The following POLR3B variants were observed in gnomAD, a reference collection of about 807,000 sequenced individuals.
POLR3B encodes the protein RNA polymerase III subunit B.
Under a neutral mutation model 147.4 loss-of-function variants are expected in POLR3B, and 96 were observed. The observed-to-expected ratio is 0.65, with a 90% CI of 0.55 to 0.77. The LOEUF (loss-of-function observed/expected upper bound fraction) is 0.77. Ranked by LOEUF, POLR3B falls within the 30% of genes least tolerant of loss-of-function variation. POLR3B has a pLI of 0.00. For synonymous variants in POLR3B, 461 were observed against 485.9 expected, an observed-to-expected ratio of 0.95 and a Z score of 0.67; for missense variants, 1,036 against 1,413.5, an observed-to-expected ratio of 0.73 and a Z score of 4.28.
At chr12:106,388,520 G>C (rs939240001) in intron 9 of POLR3B, among the ~76,000 whole-genome samples, 2 of 152,100 alleles carry the variant, frequency 1.3e-5, no homozygotes, top group African/African-American at 4.8e-5. Context: ...GTTTCTCCAT[G>C]TTGGCCAGGA....
chr12:106,467,726 AT>A (rs1368481123), intron 23 of POLR3B, among the ~76,000 whole-genome samples: 2 of 152,038 alleles, frequency 1.3e-5, no homozygotes, highest in African/African-American at 4.8e-5. Flanking sequence ...GGTTTTTGTC[AT>A]TGGATCTGTT....
intron 23 of POLR3B, among the ~76,000 whole-genome samples, chr12:106,479,556 AT>A (rs923544501): frequency 2.0e-5 from 3 of 149,272 alleles, no homozygotes; most frequent in Admixed American, 6.7e-5. Flanking sequence ...AATTTTTTGT[AT>A]TTTTTTTAGT....
chr12:106,419,361 A>G (rs1212191456), intron 12 of POLR3B, among the ~76,000 whole-genome samples: 1 of 152,216 alleles, frequency 6.6e-6, no homozygotes, highest in Non-Finnish European at 1.5e-5. Flanking sequence ...CTTAACTTTA[A>G]AGAAGGAAAA....
At position 106,504,137 on chromosome 12, in the gene POLR3B, G is replaced by A. The variant is rs2137088945; in HGVS notation, c.3155G>A (p.Arg1052His). 6.2e-7 allele frequency: 1 copy of A among 1,614,166 alleles called. No individual in the cohort carries two copies. The highest frequency in any genetic ancestry group is 8.5e-7 in the Non-Finnish European group (1 of 1,179,990). Residue 1052 changes from arginine to histidine, a missense_variant, in exon 27 of 28, where the codon CGT (arginine) becomes CAT (histidine). By Grantham distance (29) the Arg-to-His change is conservative. Transcript: ENST00000228347. This position sits in a 1 kb window ranked among gnomAD's most constrained non-coding sequence, Gnocchi z 4.6. The part of the protein sequence containing the change: ...DGGLRLGEME[R>H]DCLIGYGASM... Reference sequence around the variant, plus strand: ...GGCTTGCGTCTCGGGGAAATGGAACGTGACTGTTTAATCGGTTATGGAGCC... The same window carrying A: ...GGCTTGCGTCTCGGGGAAATGGAACATGACTGTTTAATCGGTTATGGAGCC...
At chr12:106,501,585 G>A in intron 26 of POLR3B, 149 bp downstream of exon 26, 1 of 605,262 alleles carries the variant, frequency 1.7e-6, no homozygotes, top group South Asian at 2.0e-5. Context: ...AATCATATAT[G>A]TATGATTAAA....
chr12:106,397,508 G>T (rs1338114347), intron 10 of POLR3B, among the ~76,000 whole-genome samples: 1 of 152,042 alleles, frequency 6.6e-6, no homozygotes, highest in Non-Finnish European at 1.5e-5. Context: ...ATGGAATTAG[G>T]CATCATAGTT....
At chr12:106,390,017 G>T (rs1387360216) in intron 9 of POLR3B, among the ~76,000 whole-genome samples, 2 of 152,130 alleles carry the variant, frequency 1.3e-5, no homozygotes, top group Non-Finnish European at 2.9e-5. Context: ...CCAGGAATTT[G>T]AGACCAGCCT....
chr12:106,463,868 TATAGATAC>T (rs1048874286), intron 23 of POLR3B, among the ~76,000 whole-genome samples: 12 of 152,222 alleles, frequency 7.9e-5, no homozygotes, highest in African/African-American at 2.9e-4. Flanking sequence ...GAATTATAAT[TATAGATAC>T]AGTCTAGGTG....
intron 12 of POLR3B, among the ~76,000 whole-genome samples, chr12:106,423,137 C>G (rs2037393360): frequency 6.6e-6 from 1 of 152,170 alleles, no homozygotes; most frequent in Non-Finnish European, 1.5e-5. Flanking sequence ...ATATATCCAT[C>G]ACAGACCTTC....
chr12:106,458,414 G>A (rs2037892473), intron 21 of POLR3B, among the ~76,000 whole-genome samples: 1 of 152,096 alleles, frequency 6.6e-6, no homozygotes, highest in African/African-American at 2.4e-5. Flanking sequence ...CCGAGCCCAT[G>A]ATACTATTTT....
chr12:106,411,704 G>A (rs2037230213), intron 12 of POLR3B, among the ~76,000 whole-genome samples: 1 of 152,156 alleles, frequency 6.6e-6, no homozygotes, highest in Admixed American at 6.5e-5. Flanking sequence ...ACAATCCGCT[G>A]ATTGTTTTGG....
chr12:106,458,615 G>A (rs1858380087), intron 21 of POLR3B, among the ~76,000 whole-genome samples: 2 of 152,146 alleles, frequency 1.3e-5, no homozygotes, highest in Admixed American at 6.6e-5. Context: ...GTTGGCCTGT[G>A]GGCGGTGAAT....
At chr12:106,509,325 A>G in intron 27 of POLR3B, 95 bp from the exon 28 acceptor site, 1 of 1,238,314 alleles carries the variant, frequency 8.1e-7, no homozygotes, top group Non-Finnish European at 1.2e-6. Context: ...TGATAGAATG[A>G]TAATAGAACT....
At chr12:106,430,850 G>A (rs2037501090) in intron 14 of POLR3B, among the ~76,000 whole-genome samples, 1 of 152,110 alleles carries the variant, frequency 6.6e-6, no homozygotes, top group Non-Finnish European at 1.5e-5. Context: ...TCCTTAGGTA[G>A]GCTCAGTCAC....
chr12:106,362,376 C>G (rs1230197781), intron 1 of POLR3B, among the ~76,000 whole-genome samples: 3 of 152,120 alleles, frequency 2.0e-5, no homozygotes, highest in East Asian at 1.9e-4. Context: ...AAAGTAACCA[C>G]AAACTAGGTG....
At chr12:106,386,342 CAAA>C (rs61272699) in intron 9 of POLR3B, among the ~76,000 whole-genome samples, 4 of 104,904 alleles carry the variant, frequency 3.8e-5, no homozygotes, top group Admixed American at 1.0e-4. Flanking sequence ...GACTCCGTCT[CAAA>C]AAAAAAAAAA....
At position 106,432,011 on chromosome 12, in the gene POLR3B, T is replaced by C. The variant is rs10161297; in HGVS notation, c.1465-307T>C. On this transcript the variant is annotated intron_variant, in intron 14 of 27. Coordinates refer to ENST00000228347, the MANE Select transcript of POLR3B (RefSeq NM_018082.6). ...GTAATGTTCCAATGTCTGGGAGTAA[T>C]TGTTAATGTAATCAGTTTTGTTGGG... Among the ~76,000 whole-genome samples the C allele has an allele frequency of 0.018, 2,694 of 152,300 alleles. 49 individuals carry two copies. The highest frequency in any genetic ancestry group is 0.05 in the East Asian group (258 of 5,192).
In POLR3B at chr12:106,470,915, C is replaced by G. The variant is rs139042635; in HGVS notation, c.2713+7295C>G. On this transcript the variant is annotated intron_variant, in intron 23 of 27. Transcript: ENST00000228347. ...TCTCCCAGTCAGGCTACACGGGGGTCAGGGACCTACTTGAGGAGGCAGTCT... is the reference window on the plus strand; with the variant it reads ...TCTCCCAGTCAGGCTACACGGGGGTGAGGGACCTACTTGAGGAGGCAGTCT... Among the ~76,000 whole-genome samples, 1,466 of 152,204 alleles carry G rather than the reference C, an allele frequency of 9.6e-3. 23 individuals carry two copies. Among genetic ancestry groups the G allele is most frequent in the African/African-American group, 0.034 (1,400 of 41,542 alleles).
At chr12:106,451,659 G>T (rs2037799187) in intron 19 of POLR3B, among the ~76,000 whole-genome samples, 1 of 145,022 alleles carries the variant, frequency 6.9e-6, no homozygotes, top group South Asian at 2.4e-4. Flanking sequence ...GGGAGGGAAG[G>T]AGAGGGGAGG....
Sources: gnomAD v4.1 joint callset for allele counts (sites outside exome capture counted in the v4.1 genomes callset) on GRCh38, gnomAD v4.1.1 for gene constraint, Gnocchi (gnomAD v3.1) non-coding constraint, MANE v1.5 for transcripts, NCBI Gene and HGNC (gene_info 2026-07-23, HGNC 2026-07-21) for gene names.